CACNA2D3: variants seen among roughly 807,000 people sequenced by gnomAD.
The protein encoded by CACNA2D3 is calcium voltage-gated channel auxiliary subunit alpha2delta 3.
Under a neutral mutation model 160.6 loss-of-function variants are expected in CACNA2D3, and 60 were observed. That is an observed-to-expected ratio of 0.37 (90% confidence interval 0.30 to 0.46). The LOEUF is 0.46. Among genes scored for constraint, CACNA2D3 ranks in the 20% least tolerant of loss-of-function variants. The probability of loss-of-function intolerance (pLI) is 1.00; values close to 1 mark genes in which losing one functional copy is unlikely to be tolerated. For missense variants in CACNA2D3, 1,205 were observed against 1,365.0 expected, an observed-to-expected ratio of 0.88 and a Z score of 1.85; for synonymous variants, 558 against 492.9, an observed-to-expected ratio of 1.13 and a Z score of -1.75.
chr3:54,921,502 G>A (rs1700850170), intron 27 of CACNA2D3, among the ~76,000 whole-genome samples: 1 of 152,160 alleles, frequency 6.6e-6, no homozygotes, highest in South Asian at 2.1e-4. Flanking sequence ...ATATTATTAT[G>A]TATTCACCAA....
intron 5 of CACNA2D3, among the ~76,000 whole-genome samples, chr3:54,559,049 C>T (rs1335303415): frequency 2.6e-5 from 4 of 152,136 alleles, no homozygotes; most frequent in Non-Finnish European, 5.9e-5. Context: ...TCCTCTTCCT[C>T]ATCATTAATA....
In CACNA2D3 at chr3:54,509,285, G is replaced by A. The variant is rs1284610053; in HGVS notation, c.544+5631G>A. Among the ~76,000 whole-genome samples the A allele has an allele frequency of 1.3e-4, 4 of 30,208 alleles. 1 individual carries two copies. Among genetic ancestry groups the A allele is most frequent in the East Asian group, 2.0e-3 (1 of 508 alleles). The allele number at this position is 30,208 out of a possible 152,430, so 19.8% of individuals were successfully genotyped here. A position where few individuals can be genotyped will look rare whatever the true frequency, so the allele number is the denominator to read the frequency against. The stretch of plus-strand genomic sequence containing the variant: ...TTGTTTCTTTTCCCTTCACGTGTGT[G>A]TGTGTTTGTGTGTGTGTGTGTGTGT... On this transcript the variant is annotated intron_variant, in intron 5 of 37. Transcript: ENST00000474759.
intron 3 of CACNA2D3, among the ~76,000 whole-genome samples, chr3:54,348,461 T>G (rs1698496185): frequency 6.6e-6 from 1 of 152,244 alleles, no homozygotes. Context: ...TGATGTTCTG[T>G]TATCTACAAT....
chr3:54,248,455 C>T (rs62253167), intron 2 of CACNA2D3, among the ~76,000 whole-genome samples: 11 of 138,616 alleles, frequency 7.9e-5, no homozygotes, highest in Admixed American at 4.0e-4. Context: ...CACTCCAGCC[C>T]GGGCAACAAG....
intron 2 of CACNA2D3, among the ~76,000 whole-genome samples, chr3:54,283,129 G>A (rs1051835980): frequency 6.6e-6 from 1 of 152,210 alleles, no homozygotes; most frequent in Non-Finnish European, 1.5e-5. Context: ...TATAATTATA[G>A]GATACAAATT....
chr3:54,381,576 C>T (rs7372444), intron 3 of CACNA2D3, among the ~76,000 whole-genome samples: 34,705 of 152,088 alleles, frequency 0.23, 4,073 homozygotes, highest in Admixed American at 0.3. Flanking sequence ...TGGCCCATGA[C>T]GGAAAGTTTG....
intron 13 of CACNA2D3, among the ~76,000 whole-genome samples, chr3:54,784,141 G>C (rs1181405510): frequency 1.3e-5 from 2 of 152,216 alleles, no homozygotes; most frequent in Non-Finnish European, 2.9e-5. Context: ...AAGTCAAGCA[G>C]TGGGTTAATA....
At chr3:54,180,275 G>C (rs191982729) in intron 2 of CACNA2D3, among the ~76,000 whole-genome samples, 1 of 152,230 alleles carries the variant, frequency 6.6e-6, no homozygotes, top group African/African-American at 2.4e-5. Context: ...GGCCAGGTGG[G>C]AACCATGCTC....
At chr3:54,370,365 C>T (rs529268658) in intron 3 of CACNA2D3, among the ~76,000 whole-genome samples, 2 of 152,252 alleles carry the variant, frequency 1.3e-5, no homozygotes, top group East Asian at 1.9e-4. Flanking sequence ...TTTAGCGTTT[C>T]TTGTTCACAG....
intron 35 of CACNA2D3, among the ~76,000 whole-genome samples, chr3:55,063,859 T>G (rs1704571899): frequency 6.6e-6 from 1 of 152,202 alleles, no homozygotes; most frequent in South Asian, 2.1e-4. Context: ...ATTTTGCAGA[T>G]TAGCAGGGTT....
At chr3:54,175,342 C>A (rs772451081) in intron 2 of CACNA2D3, among the ~76,000 whole-genome samples, 1 of 151,992 alleles carries the variant, frequency 6.6e-6, no homozygotes, top group Non-Finnish European at 1.5e-5. Flanking sequence ...TAAGGCCGGG[C>A]GCGGTGGTTT....
intron 11 of CACNA2D3, among the ~76,000 whole-genome samples, chr3:54,728,293 C>T (rs77762910): frequency 0.024 from 3,578 of 152,112 alleles, 73 homozygotes; most frequent in Non-Finnish European, 0.032. Context: ...CTATACAGTT[C>T]GACCTGGATA....
chr3:54,840,309 T>C (rs1165667013), intron 16 of CACNA2D3, among the ~76,000 whole-genome samples: 1 of 152,020 alleles, frequency 6.6e-6, no homozygotes, highest in Non-Finnish European at 1.5e-5. Flanking sequence ...AAGTAAACAT[T>C]ACGGTCACCC....
At chr3:54,754,279 T>TGTATCCAAGTC (rs1180983430) in intron 12 of CACNA2D3, among the ~76,000 whole-genome samples, 4 of 152,176 alleles carry the variant, frequency 2.6e-5, no homozygotes, top group African/African-American at 9.6e-5. Flanking sequence ...CCAGACTCCT[T>TGTATCCAAGTC]GTATCCAAGT....
chr3:54,810,848 A>C (rs1323409630), intron 13 of CACNA2D3, among the ~76,000 whole-genome samples: 1 of 152,330 alleles, frequency 6.6e-6, no homozygotes, highest in South Asian at 2.1e-4. Context: ...GAAGTGAATT[A>C]GGAGAATTAA....
At chr3:54,477,383 C>T (rs1488805085) in intron 4 of CACNA2D3, among the ~76,000 whole-genome samples, 3 of 151,988 alleles carry the variant, frequency 2.0e-5, no homozygotes, top group South Asian at 4.2e-4. Context: ...ATTTATCCTC[C>T]GGAGCAGACT....
intron 3 of CACNA2D3, among the ~76,000 whole-genome samples, chr3:54,379,969 T>C (rs1412751496): frequency 6.6e-6 from 1 of 152,198 alleles, no homozygotes; most frequent in Non-Finnish European, 1.5e-5. Flanking sequence ...GTCTAATTGC[T>C]CTAGCTACAA....
At chr3:54,441,739 A>G (rs1221616289) in intron 4 of CACNA2D3, among the ~76,000 whole-genome samples, 1 of 152,240 alleles carries the variant, frequency 6.6e-6, no homozygotes, top group African/African-American at 2.4e-5. Context: ...GTTCAATTCA[A>G]AAAACATTTC....
At chr3:54,768,376 T>C (rs17054356) in intron 13 of CACNA2D3, among the ~76,000 whole-genome samples, 18 of 152,238 alleles carry the variant, frequency 1.2e-4, no homozygotes, top group East Asian at 7.7e-4. Flanking sequence ...ACGGCAGATA[T>C]AAGTTCATGA....
Sources: gnomAD v4.1 joint callset for allele counts (sites outside exome capture counted in the v4.1 genomes callset) on GRCh38, gnomAD v4.1.1 for gene constraint, MANE v1.5 for transcripts, NCBI Gene and HGNC (gene_info 2026-07-23, HGNC 2026-07-21) for gene names.